The following LRRC69 variants were observed in gnomAD, a reference collection of about 807,000 sequenced individuals.
LRRC69 encodes leucine-rich repeat-containing protein 69.
LRRC69 carries 42 observed loss-of-function variants against 37.8 expected under a neutral mutation model. The observed-to-expected ratio is 1.11, with a 90% CI of 0.87 to 1.44. LRRC69 has a LOEUF of 1.44. Ranked by LOEUF, LRRC69 falls within the 40% of genes most tolerant of loss-of-function variation. LRRC69 has a pLI of 0.00. For synonymous variants in LRRC69, 141 were observed against 143.1 expected, an observed-to-expected ratio of 0.99 and a Z score of 0.11; for missense variants, 357 against 401.9, an observed-to-expected ratio of 0.89 and a Z score of 0.96.
chr8:91,187,350 A>G (rs571833098), intron 5 of LRRC69, among the ~76,000 whole-genome samples: 3 of 152,322 alleles, frequency 2.0e-5, no homozygotes, highest in Admixed American at 2.0e-4. Flanking sequence ...CTTTTCTCCT[A>G]GTCCATCAGA....
At chr8:91,148,162 A>G (rs1275031667) in intron 5 of LRRC69, among the ~76,000 whole-genome samples, 1 of 151,652 alleles carries the variant, frequency 6.6e-6, no homozygotes, top group African/African-American at 2.4e-5. Flanking sequence ...TACATGTGCC[A>G]TGTTGGTGTG....
chr8:91,196,081 T>C (rs1427972750), intron 6 of LRRC69, among the ~76,000 whole-genome samples: 1 of 152,134 alleles, frequency 6.6e-6, no homozygotes, highest in Admixed American at 6.5e-5. Context: ...CTGTAAAGTA[T>C]TTTATTTCTC....
At chr8:91,163,402 C>A (rs968417073) in intron 5 of LRRC69, among the ~76,000 whole-genome samples, 2 of 151,404 alleles carry the variant, frequency 1.3e-5, no homozygotes, top group African/African-American at 2.4e-5. Flanking sequence ...TAATAAGCAA[C>A]AATACACATT....
At chr8:91,105,348 T>TA (rs774049466) in intron 1 of LRRC69, among the ~76,000 whole-genome samples, 4 of 151,660 alleles carry the variant, frequency 2.6e-5, no homozygotes, top group Non-Finnish European at 5.9e-5. Context: ...TAGATTATCA[T>TA]AGAGTTCAGA....
At chr8:91,181,790 C>A (rs919925128) in intron 5 of LRRC69, among the ~76,000 whole-genome samples, 11 of 152,218 alleles carry the variant, frequency 7.2e-5, no homozygotes, top group African/African-American at 2.6e-4. Context: ...TTTAACTTGG[C>A]AGCAATGGTC....
intron 1 of LRRC69, among the ~76,000 whole-genome samples, chr8:91,110,823 A>ACT (rs1280480796): frequency 6.6e-6 from 1 of 152,096 alleles, no homozygotes; most frequent in Non-Finnish European, 1.5e-5. Flanking sequence ...ACTACATTGA[A>ACT]CTGAATATAG....
intron 5 of LRRC69, among the ~76,000 whole-genome samples, chr8:91,138,486 T>C (rs962652876): frequency 6.6e-6 from 1 of 151,904 alleles, no homozygotes; most frequent in Non-Finnish European, 1.5e-5. Context: ...AAGAGTGTTT[T>C]GCTATTTTAT....
chr8:91,197,265 T>C (rs1307012440), intron 6 of LRRC69, among the ~76,000 whole-genome samples: 1 of 152,172 alleles, frequency 6.6e-6, no homozygotes, highest in African/African-American at 2.4e-5. Flanking sequence ...CAGGGACATT[T>C]AAGTCTGCAG....
intron 4 of LRRC69, 181 bp downstream of exon 4, chr8:91,133,486 A>G (rs1813846823): frequency 6.4e-6 from 3 of 467,412 alleles, no homozygotes; most frequent in Non-Finnish European, 1.1e-5. Flanking sequence ...ATTATCCCAC[A>G]TAGCTAGGGC....
At chr8:91,114,042 C>A (rs372044761) in intron 1 of LRRC69, among the ~76,000 whole-genome samples, 1 of 142,738 alleles carries the variant, frequency 7.0e-6, no homozygotes, top group Non-Finnish European at 1.5e-5. Flanking sequence ...ATGTAAATAG[C>A]CAATAGGTAT....
intron 5 of LRRC69, among the ~76,000 whole-genome samples, chr8:91,166,492 G>GAAAAAAAAAA (rs66705016): frequency 9.4e-5 from 9 of 95,254 alleles, no homozygotes; most frequent in African/African-American, 2.6e-4. Context: ...AAAATAAACT[G>GAAAAAAAAAA]AAAAAAAAAA....
exon 5 of LRRC69, chr8:91,135,681 T>C: frequency 2.0e-6 from 3 of 1,477,696 alleles, no homozygotes; most frequent in Non-Finnish European, 2.7e-6. Context: ...CTTTGTGATC[T>C]TAAAAAACTA....
At chr8:91,213,344 C>G (rs1260955122) in intron 7 of LRRC69, among the ~76,000 whole-genome samples, 1 of 152,130 alleles carries the variant, frequency 6.6e-6, no homozygotes, top group African/African-American at 2.4e-5. Flanking sequence ...TTATTAATAG[C>G]TGTAAAAACA....
chr8:91,124,710 T>A, intron 2 of LRRC69, 91 bp downstream of exon 2: 2 of 1,165,910 alleles, frequency 1.7e-6, no homozygotes, highest in Non-Finnish European at 1.2e-6. Flanking sequence ...GAATTTTGCA[T>A]GTTTAATCTT....
chr8:91,126,786 A>G (rs1468008346), intron 2 of LRRC69, among the ~76,000 whole-genome samples: 3 of 151,960 alleles, frequency 2.0e-5, no homozygotes, highest in Non-Finnish European at 2.9e-5. Flanking sequence ...ACTAAATTAT[A>G]TTTTCTGCAG....
At chr8:91,147,693 T>C (rs982490033) in intron 5 of LRRC69, among the ~76,000 whole-genome samples, 2 of 151,896 alleles carry the variant, frequency 1.3e-5, no homozygotes, top group Non-Finnish European at 2.9e-5. Context: ...ATCATTTTAC[T>C]ATTCCTATTT....
chr8:91,215,251 C>T (rs969473838), intron 7 of LRRC69, among the ~76,000 whole-genome samples: 1 of 152,118 alleles, frequency 6.6e-6, no homozygotes, highest in African/African-American at 2.4e-5. Context: ...TACTGAGATA[C>T]ATTTTCCTGA....
chr8:91,196,553 C>A lies in LRRC69; in HGVS notation c.754-4060C>A, dbSNP rs942924558. Among the ~76,000 whole-genome samples, 24 of 152,176 alleles carry A rather than the reference C, an allele frequency of 1.6e-4. 3 individuals are homozygous for A. The highest frequency in any genetic ancestry group is 5.5e-4 in the African/African-American group (23 of 41,476). The stretch of plus-strand genomic sequence containing the variant: ...GAGGGTTTGCTCATTTCTTTTTATT[C>A]TTTTTTCTCTAAACTTCCCTTCTTG... On this transcript the variant is annotated intron_variant, in intron 6 of 7. Transcript: ENST00000448384.
intron 3 of LRRC69, among the ~76,000 whole-genome samples, chr8:91,132,902 A>G (rs888561390): frequency 3.3e-5 from 5 of 151,994 alleles, no homozygotes; most frequent in Admixed American, 2.0e-4. Flanking sequence ...AACATAAGCC[A>G]TCTGATTACA....
Sources: gnomAD v4.1 joint callset for allele counts (sites outside exome capture counted in the v4.1 genomes callset) on GRCh38, gnomAD v4.1.1 for gene constraint, MANE v1.5 for transcripts, NCBI Gene and HGNC (gene_info 2026-07-23, HGNC 2026-07-21) for gene names.